Variants in INTS10 observed in about 807,000 individuals in gnomAD.
The protein encoded by INTS10 is integrator complex subunit 10.
In INTS10, 44 loss-of-function variants were observed where a neutral mutation model predicts 94.4. That is an observed-to-expected ratio of 0.47 (90% CI 0.37 to 0.60). The LOEUF (loss-of-function observed/expected upper bound fraction) is 0.60. Ranked by LOEUF, INTS10 falls within the 20% of genes least tolerant of loss-of-function variation. INTS10 has a pLI of 0.00. For missense variants in INTS10, 797 were observed against 868.7 expected (o/e 0.92, Z 1.04); for synonymous variants, 341 against 320.7 (o/e 1.06, Z -0.68).
Position 19,824,055 on chromosome 8 carries a change from G to C in INTS10, c.836+11G>C. On this transcript the variant is annotated intron_variant, in intron 7 of 16. Coordinates refer to ENST00000397977, the MANE Select transcript of INTS10 (RefSeq NM_018142.4). ...GGATAAAGGAAGACGGTAATAAATA[G>C]CTTATTTCCAGAATTGCCTATTGAT... is the stretch of plus-strand genomic sequence containing the variant. The C allele has an allele frequency of 6.4e-7, 1 of 1,569,472 alleles. No individual in the cohort carries two copies. The highest frequency in any genetic ancestry group is 8.6e-7 in the Non-Finnish European group (1 of 1,157,858).
At chr8:19,822,763 A>G (rs1034023015) in intron 5 of INTS10, among the ~76,000 whole-genome samples, 1 of 152,122 alleles carries the variant, frequency 6.6e-6, no homozygotes. Context: ...CATCCTGGCC[A>G]ACATGGTGAA....
chr8:19,845,079 A>T (rs771709267), intron 15 of INTS10, among the ~76,000 whole-genome samples: 3 of 151,948 alleles, frequency 2.0e-5, no homozygotes, highest in Non-Finnish European at 4.4e-5. Flanking sequence ...ATAGTTTTTA[A>T]CCATGGTTTG....
At chr8:19,819,820 CG>C (rs2066228226) in intron 3 of INTS10, 144 bp downstream of exon 3, 2 of 604,960 alleles carry the variant, frequency 3.3e-6, no homozygotes. Context: ...TAATGTCACT[CG>C]GTTCCTTGAC....
Position 19,833,308 on chromosome 8 carries a change from TA to T in INTS10, c.1518del (p.Glu508SerfsTer4), listed in dbSNP as rs777401078. 6.2e-7 allele frequency: 1 copy of T among 1,611,084 alleles called. No homozygotes were observed. The highest frequency in any genetic ancestry group is 1.1e-5 in the South Asian group (1 of 90,768). ...LIQLATCHFA[L>X]GEYRMTCEKV... ...CAGCTGGCGACGTGCCACTTTGCGC[TA>T]GGGGAGTACAGAGTGAGTACTGCAC... On this transcript the variant is annotated frameshift_variant, in exon 12 of 17. Coordinates refer to ENST00000397977, the MANE Select transcript of INTS10 (RefSeq NM_018142.4). LOFTEE classifies it high-confidence loss of function.
At position 19,817,492 on chromosome 8, in the gene INTS10, G is replaced by A. The variant is rs1402551624; in HGVS notation, c.-46G>A. On this transcript the variant is annotated 5_prime_UTR_variant, in exon 1 of 17. Coordinates refer to ENST00000397977, the MANE Select transcript of INTS10 (RefSeq NM_018142.4). ...CCGTGGCGGCTGAGAGTCCAGAGCC[G>A]GACGTTCCGGCCGCTTCGGGCTGGC... 2 of 1,584,816 alleles carry A rather than the reference G, an allele frequency of 1.3e-6. No homozygotes were observed. The highest frequency in any genetic ancestry group is 1.8e-5 in the Admixed American group (1 of 56,854).
chr8:19,837,301 G>A (rs1236665270), intron 13 of INTS10, 141 bp downstream of exon 13: 25 of 634,830 alleles, frequency 3.9e-5, no homozygotes, highest in South Asian at 9.3e-5. Context: ...ACCAGCCTGG[G>A]CAATGTAGTG....
intron 7 of INTS10, chr8:19,824,266 C>G (rs766697037): frequency 1.4e-5 from 5 of 363,960 alleles, no homozygotes; most frequent in African/African-American, 2.1e-5. Context: ...CTGAGGTGGG[C>G]AGATCACTTG....
intron 10 of INTS10, among the ~76,000 whole-genome samples, chr8:19,831,285 CAT>C (rs1363075439): frequency 1.3e-5 from 2 of 152,122 alleles, no homozygotes; most frequent in Admixed American, 6.6e-5. Flanking sequence ...ATTGTGAACA[CAT>C]ATGTGACAAT....
chr8:19,842,939 G>A lies in INTS10; in HGVS notation c.1719+12G>A. 6.5e-7 allele frequency: 1 copy of A among 1,529,818 alleles called. No homozygotes were observed. Among genetic ancestry groups the A allele is most frequent in the Non-Finnish European group, 9.1e-7 (1 of 1,104,262 alleles). The allele number at this position is 1,529,818 out of a possible 1,614,324, so 94.8% of individuals were successfully genotyped here. A position where few individuals can be genotyped will look rare whatever the true frequency, so the allele number is the denominator to read the frequency against. On this transcript the variant is annotated intron_variant, in intron 14 of 16. Transcript: ENST00000397977. ...TAGCCTGTTTTAAGGTAAGCTTAAA[G>A]TTGATTAGCTTGAAAAAAAATGTAA...
At chr8:19,818,976 A>G (rs951453672) in intron 2 of INTS10, 1 of 152,414 alleles carries the variant, frequency 6.6e-6, no homozygotes, top group African/African-American at 2.4e-5. Context: ...TTTCTGTGGA[A>G]TAGATTCTAA....
At chr8:19,840,868 A>C (rs928389146) in intron 13 of INTS10, among the ~76,000 whole-genome samples, 3 of 152,196 alleles carry the variant, frequency 2.0e-5, no homozygotes, top group Non-Finnish European at 4.4e-5. Flanking sequence ...CACTAATCTA[A>C]GGTGTACAAC....
Position 19,830,941 on chromosome 8 carries a change from G to T in INTS10, c.1294+382G>T, listed in dbSNP as rs143940597. Among the ~76,000 whole-genome samples, 361 of 152,284 alleles carry T rather than the reference G, an allele frequency of 2.4e-3. 3 individuals carry two copies. Among genetic ancestry groups the T allele is most frequent in the African/African-American group, 8.2e-3 (342 of 41,554 alleles). On this transcript the variant is annotated intron_variant, in intron 10 of 16. Transcript: ENST00000397977. The stretch of plus-strand genomic sequence containing the variant: ...CCCACCTTGGCCTCCCAAAGTGCTG[G>T]GATTACAGGCGTGAGCCACCATGCC...
rs986183080 is a variant in INTS10, at chr8:19,834,061, T to C, written c.1530+740T>C. Among the ~76,000 whole-genome samples, 6 of 150,366 alleles carry C rather than the reference T, an allele frequency of 4.0e-5. No homozygotes were observed. In the East Asian group the frequency reaches 1.2e-3, roughly 30 times the overall value. On this transcript the variant is annotated intron_variant, in intron 12 of 16. Coordinates refer to ENST00000397977, the MANE Select transcript of INTS10 (RefSeq NM_018142.4). ...CAATAGGGGCAGATTTATAAATGGG[T>C]GTGTTTCCTCCAGGAGGTTTCAAGC...
chr8:19,838,356 AAAG>A (rs1233792218), intron 13 of INTS10, among the ~76,000 whole-genome samples: 1 of 152,196 alleles, frequency 6.6e-6, no homozygotes, highest in Admixed American at 6.5e-5. Context: ...ACTCAAAAAG[AAAG>A]AAAAGAAATC....
At chr8:19,847,819 G>C (rs1370765540) in intron 16 of INTS10, among the ~76,000 whole-genome samples, 3 of 152,198 alleles carry the variant, frequency 2.0e-5, no homozygotes, top group Non-Finnish European at 4.4e-5. Context: ...GTATCACAGG[G>C]AAGAGTGTTT....
intron 15 of INTS10, among the ~76,000 whole-genome samples, chr8:19,844,914 T>TA (rs944622144): frequency 6.6e-6 from 1 of 152,156 alleles, no homozygotes; most frequent in East Asian, 1.9e-4. Context: ...TGTTTTTTTT[T>TA]AGAGTTGGGG....
chr8:19,833,142 C>T, intron 11 of INTS10, 27 bp from the exon 12 acceptor site: 2 of 1,497,686 alleles, frequency 1.3e-6, no homozygotes, highest in Non-Finnish European at 8.9e-7. Flanking sequence ...GATGCTTTTC[C>T]CCTCCTTGCT....
intron 6 of INTS10, 91 bp from the exon 7 acceptor site, chr8:19,823,782 T>A (rs1334727992): frequency 1.7e-6 from 2 of 1,179,560 alleles, no homozygotes; most frequent in East Asian, 4.8e-5. Context: ...GCTCTGTGCA[T>A]TTTCATGGGG....
intron 12 of INTS10, among the ~76,000 whole-genome samples, chr8:19,836,758 T>A (rs913878505): frequency 2.0e-5 from 3 of 152,264 alleles, no homozygotes. Context: ...TTTTGGCTGC[T>A]GCTGTGCTGT....
Sources: gnomAD v4.1 joint callset for allele counts (sites outside exome capture counted in the v4.1 genomes callset) on GRCh38, gnomAD v4.1.1 for gene constraint, MANE v1.5 for transcripts, NCBI Gene and HGNC (gene_info 2026-07-23, HGNC 2026-07-21) for gene names.